DSC3: variants seen among roughly 807,000 people sequenced by gnomAD.
DSC3 encodes the protein desmocollin 3.
Under a neutral mutation model 89.5 loss-of-function variants are expected in DSC3, and 97 were observed. That is an observed-to-expected ratio of 1.08 (90% confidence interval 0.92 to 1.28). The LOEUF is 1.28. DSC3 is among the 50% of genes most tolerant of loss of function. The pLI, the probability that DSC3 is intolerant of heterozygous loss-of-function variation, is 0.00. For synonymous variants in DSC3, 436 were observed against 384.1 expected, an observed-to-expected ratio of 1.14 and a Z score of -1.58; for missense variants, 1,199 against 1,085.3, an observed-to-expected ratio of 1.10 and a Z score of -1.47.
In DSC3 at chr18:31,008,518, T is replaced by C. The variant is rs1984948085; in HGVS notation, c.1271A>G (p.Asn424Ser). 2 of 1,614,086 alleles carry C rather than the reference T, an allele frequency of 1.2e-6. No individual in the cohort carries two copies. Among genetic ancestry groups the C allele is most frequent in the Non-Finnish European group, 1.7e-6 (2 of 1,180,016 alleles). Residue 424 changes from asparagine to serine, a missense_variant, in exon 10 of 16, where the codon AAT (asparagine) becomes AGT (serine). By Grantham distance (46) the Asn-to-Ser change is conservative. Coordinates refer to ENST00000360428, the MANE Select transcript of DSC3 (RefSeq NM_001941.5). ...GTTCACTTGACGGTTTTCTTCATAA[T>C]TCAGTGGCTTTAAAATAAAGTCCAT... ...EGVLSVVKPLNYEENRQVNLE... is the reference protein window; with the variant it reads ...EGVLSVVKPLSYEENRQVNLE...
chr18:31,004,080 T>A (rs1354630847), intron 13 of DSC3, 62 bp downstream of exon 13: 4 of 1,325,346 alleles, frequency 3.0e-6, no homozygotes, highest in Non-Finnish European at 4.3e-6. Flanking sequence ...TTTTTAAACA[T>A]CTTTTCCCAC....
chr18:31,026,060 A>ACAAT, intron 4 of DSC3, 145 bp from the exon 5 acceptor site: 1 of 833,222 alleles, frequency 1.2e-6, no homozygotes, highest in Non-Finnish European at 1.9e-6. Context: ...ATTGTTGGCA[A>ACAAT]GAGTAAGGCA....
intron 14 of DSC3, among the ~76,000 whole-genome samples, chr18:31,000,177 G>A (rs918460357): frequency 5.3e-5 from 8 of 152,036 alleles, no homozygotes; most frequent in East Asian, 1.9e-4. Context: ...TCTTCACCCC[G>A]AGACATAGAA....
At chr18:31,021,137 G>T (rs764375319) in intron 7 of DSC3, among the ~76,000 whole-genome samples, 2 of 151,426 alleles carry the variant, frequency 1.3e-5, no homozygotes, top group Non-Finnish European at 2.9e-5. Flanking sequence ...ACAAAATCTG[G>T]TAGATTTTTT....
chr18:30,996,795 C>T lies in DSC3; in HGVS notation c.2489G>A (p.Gly830Asp), dbSNP rs563790756. Residue 830 changes from glycine to aspartate, a missense_variant, in exon 15 of 16, where the codon GGT becomes GAT. Physicochemically the swap from Gly to Asp is moderately conservative, Grantham distance 94. Transcript: ENST00000360428. Reference protein sequence around the residue: ...EWHSFTQPRLGEKLHRCNQNE... With the variant: ...EWHSFTQPRLDEKLHRCNQNE... ...AAAACACCTAAGGAAACTCACTTCACCGAGACGGGGTTGAGTAAAACTGTG... is the reference window on the plus strand; with the variant it reads ...AAAACACCTAAGGAAACTCACTTCATCGAGACGGGGTTGAGTAAAACTGTG... 6.2e-7 allele frequency: 1 copy of T among 1,613,574 alleles called. No homozygotes were observed. Among genetic ancestry groups the T allele is most frequent in the African/African-American group, 1.3e-5 (1 of 75,004 alleles).
At chr18:31,025,675 G>C in intron 5 of DSC3, 85 bp downstream of exon 5, 2 of 1,391,030 alleles carry the variant, frequency 1.4e-6, no homozygotes, top group Non-Finnish European at 2.0e-6. Context: ...GAGAATGCAA[G>C]GAGAGAGGAA....
At position 31,018,985 on chromosome 18, in the gene DSC3, G is replaced by A. The variant is rs532322025; in HGVS notation, c.943-185C>T. Among the ~76,000 whole-genome samples the A allele has an allele frequency of 1.1e-4, 17 of 152,336 alleles. No homozygotes were observed. In the East Asian group the frequency reaches 3.3e-3, roughly 29 times the overall value. On this transcript the variant is annotated intron_variant, in intron 7 of 15. Transcript: ENST00000360428. Reference sequence around the variant, plus strand: ...GACAAGGATAAAGCTGAAGAGGCAGGCAGAGATTAAATTACAAAGACCCGT... The same window carrying A: ...GACAAGGATAAAGCTGAAGAGGCAGACAGAGATTAAATTACAAAGACCCGT...
chr18:31,042,585 G>T lies in DSC3; in HGVS notation c.69+7C>A. On this transcript the variant is annotated splice_region_variant and intron_variant, in intron 1 of 15. Transcript: ENST00000360428. ...ACCCCAGCCCTATCCGGCGAGATCT[G>T]GCTTACCACGAGGGTCAGCAGCAGA... The T allele has an allele frequency of 6.5e-7, 1 of 1,550,260 alleles. No homozygotes were observed. The highest frequency in any genetic ancestry group is 8.7e-7 in the Non-Finnish European group (1 of 1,146,724).
chr18:31,036,798 C>CTTTTTTTTT (rs775187201), intron 1 of DSC3, among the ~76,000 whole-genome samples: 7 of 107,436 alleles, frequency 6.5e-5, no homozygotes, highest in South Asian at 8.0e-4. Context: ...TTCTTTCTTC[C>CTTTTTTTTT]TTTTTTTTTT....
At chr18:30,998,602 T>A (rs374713760) in intron 14 of DSC3, among the ~76,000 whole-genome samples, 1 of 151,816 alleles carries the variant, frequency 6.6e-6, no homozygotes, top group South Asian at 2.1e-4. Flanking sequence ...TCAACCAAAA[T>A]AAAAAAGGGC....
chr18:31,004,656 T>C (rs1453396229), intron 12 of DSC3, among the ~76,000 whole-genome samples: 1 of 152,220 alleles, frequency 6.6e-6, no homozygotes, highest in East Asian at 1.9e-4. Flanking sequence ...TTAGGTTGGC[T>C]GTTAACATAC....
At position 31,025,855 on chromosome 18, in the gene DSC3, C is replaced by A. The variant is rs761818190; in HGVS notation, c.535G>T (p.Asp179Tyr). ...VFYSISGRGV[D>Y]KEPLNLFYIE... is the part of the protein sequence containing the mutation. ...TAAAACAAATTTAAAGGTTCTTTATCAACTCCACGTCCACTTATTGAGTAG... is the reference window on the plus strand; with the variant it reads ...TAAAACAAATTTAAAGGTTCTTTATAAACTCCACGTCCACTTATTGAGTAG... Residue 179 changes from aspartate (D) to tyrosine (Y), a missense_variant, in exon 5 of 16, where the codon GAT becomes TAT. Physicochemically the swap from Asp to Tyr is radical, Grantham distance 160. Coordinates refer to ENST00000360428, the MANE Select transcript of DSC3 (RefSeq NM_001941.5). 6 of 1,613,138 alleles carry A rather than the reference C, an allele frequency of 3.7e-6. No individual in the cohort carries two copies. Among genetic ancestry groups the A allele is most frequent in the Admixed American group, 1.7e-5 (1 of 59,926 alleles).
chr18:31,013,665 C>T (rs1048120800), intron 9 of DSC3, among the ~76,000 whole-genome samples: 5 of 152,042 alleles, frequency 3.3e-5, no homozygotes, highest in Admixed American at 6.6e-5. Flanking sequence ...TATTCAATGG[C>T]GTCTTCATAT....
chr18:31,032,552 GTA>G lies in DSC3; in HGVS notation c.70-278_70-277del, dbSNP rs60371736. On this transcript the variant is annotated intron_variant, in intron 1 of 15. Coordinates refer to ENST00000360428, the MANE Select transcript of DSC3 (RefSeq NM_001941.5). The stretch of plus-strand genomic sequence containing the variant: ...TGCTCTGCTCTAACTGCTTCTGTGT[GTA>G]TGTGTGTGTGTGTGTGTGTGTGTGT... 0.46 allele frequency among the ~76,000 whole-genome samples: 60,438 copies of G among 130,230 alleles called. 13,395 individuals are homozygous for G. The highest frequency in any genetic ancestry group is 0.78 in the East Asian group (3,345 of 4,262). The allele number at this position is 130,230 out of a possible 152,430, so 85.4% of individuals were successfully genotyped here. A position where few individuals can be genotyped will look rare whatever the true frequency, so the allele number is the denominator to read the frequency against.
Position 30,996,790 on chromosome 18 carries a change from C to T in DSC3, c.2493+1G>A, listed in dbSNP as rs139991809. ...GACTCAAAACACCTAAGGAAACTCA[C>T]TTCACCGAGACGGGGTTGAGTAAAA... On this transcript the variant is annotated splice_donor_variant, in intron 15 of 15. Transcript: ENST00000360428. LOFTEE classifies it high-confidence loss of function. 9.6e-5 allele frequency: 155 copies of T among 1,613,520 alleles called. No individual in the cohort carries two copies. In the African/African-American group the frequency reaches 1.8e-3, roughly 19 times the overall value.
Position 31,018,538 on chromosome 18 carries a change from T to C in DSC3, c.1077+128A>G, listed in dbSNP as rs1195948626. ...ATTTACATATCACTTGTTTAAACTTTAATTTTATTCATAAAATACGTATAC... is the reference window on the plus strand; with the variant it reads ...ATTTACATATCACTTGTTTAAACTTCAATTTTATTCATAAAATACGTATAC... On this transcript the variant is annotated intron_variant, in intron 8 of 15. Coordinates refer to ENST00000360428, the MANE Select transcript of DSC3 (RefSeq NM_001941.5). The C allele has an allele frequency of 4.5e-6, 5 of 1,112,258 alleles. No homozygotes were observed. In the African/African-American group the frequency reaches 6.4e-5, roughly 14 times the overall value. The allele number at this position is 1,112,258 out of a possible 1,614,324, so 68.9% of individuals were successfully genotyped here.
Position 31,032,209 on chromosome 18 carries a change from T to C in DSC3, c.137A>G (p.Asp46Gly), listed in dbSNP as rs1406097284. ...ILNVPSKLEA[D>G]KIIGRVNLEE... ...TTTCTCACCTCTGCCAATTATTTTG[T>C]CTGCCTCTAGTTTAGAAGGTACATT... is the stretch of plus-strand genomic sequence containing the variant. Residue 46 changes from aspartate to glycine, a missense_variant, in exon 2 of 16, where the codon GAC becomes GGC. By Grantham distance (94) the Asp-to-Gly change is moderately conservative. Transcript: ENST00000360428. 6.2e-7 allele frequency: 1 copy of C among 1,613,294 alleles called. No individual in the cohort carries two copies. The highest frequency in any genetic ancestry group is 1.1e-5 in the South Asian group (1 of 91,070).
intron 5 of DSC3, 28 bp downstream of exon 5, chr18:31,025,732 A>C: frequency 6.2e-7 from 1 of 1,607,290 alleles, no homozygotes; most frequent in Non-Finnish European, 8.5e-7. Flanking sequence ...TAATAATTTA[A>C]AGTCAGGCAT....
At chr18:31,027,617 T>A (rs1180315496) in intron 4 of DSC3, among the ~76,000 whole-genome samples, 1 of 152,134 alleles carries the variant, frequency 6.6e-6, no homozygotes, top group Non-Finnish European at 1.5e-5. Context: ...CAGAGACTGT[T>A]CTGAAGTTTC....
Sources: allele counts gnomAD v4.1 joint callset (sites outside exome capture counted in the v4.1 genomes callset), GRCh38; gene constraint gnomAD v4.1.1; transcripts MANE v1.5; gene names NCBI Gene and HGNC (gene_info 2026-07-23, HGNC 2026-07-21).